ALDH8A1: variants seen among roughly 807,000 people sequenced by gnomAD.
ALDH8A1 encodes the protein aldehyde dehydrogenase 8 family member A1, also known as 2-aminomuconic semialdehyde dehydrogenase.
ALDH8A1 carries 39 observed loss-of-function variants against 43.3 expected under a neutral mutation model. The ratio of observed to expected loss-of-function variants is 0.90; its 90% CI spans 0.70 to 1.18. The LOEUF (loss-of-function observed/expected upper bound fraction) is 1.18. Ranked by LOEUF, ALDH8A1 falls within the 50% of genes most tolerant of loss-of-function variation. ALDH8A1 has a pLI of 0.00. For missense variants in ALDH8A1, 605 were observed against 622.6 expected (o/e 0.97, Z 0.30); for synonymous variants, 233 against 243.5 (o/e 0.96, Z 0.40).
At chr6:134,935,052 C>G (rs967146919) in intron 4 of ALDH8A1, among the ~76,000 whole-genome samples, 3 of 152,210 alleles carry the variant, frequency 2.0e-5, no homozygotes, top group Non-Finnish European at 4.4e-5. Context: ...TTTCTGTTCC[C>G]TTTGCCCCTC....
intron 4 of ALDH8A1, among the ~76,000 whole-genome samples, chr6:134,935,004 A>G (rs569019370): frequency 3.9e-5 from 6 of 152,194 alleles, no homozygotes; most frequent in African/African-American, 1.2e-4. Context: ...CCCATATCCT[A>G]CTGAATGTGA....
chr6:134,949,875 T>C (rs372052533), intron 1 of ALDH8A1, 41 bp downstream of exon 1: 1 of 1,522,074 alleles, frequency 6.6e-7, no homozygotes, highest in African/African-American at 1.4e-5. Context: ...TTGGCCAACA[T>C]ATTAAACACA....
chr6:134,943,934 G>C lies in ALDH8A1; in HGVS notation c.171C>G (p.Ala57=). 1 of 1,614,170 alleles carries C rather than the reference G, an allele frequency of 6.2e-7. No individual in the cohort carries two copies. The highest frequency in any genetic ancestry group is 1.6e-4 in the Middle Eastern group (1 of 6,062). ...GGCTGCGGGATGACCAGCTGGGAAA[G>C]GCTTCTCTGGCGGCCTTGACCGCGG... The part of the protein sequence containing the change: ...IEAAVKAARE[A]FPSWSSRSPQ... Residue 57 remains alanine (A), a synonymous_variant, in exon 2 of 7, where the codon GCC becomes GCG. Coordinates refer to ENST00000265605, the MANE Select transcript of ALDH8A1 (RefSeq NM_022568.4).
rs77754082 is a variant in ALDH8A1 at position 134,946,370 on chromosome 6, A to G, written c.139-2404T>C. Among the ~76,000 whole-genome samples, 1,442 of 152,336 alleles carry G rather than the reference A, an allele frequency of 9.5e-3. 18 individuals are homozygous for G. The highest frequency in any genetic ancestry group is 0.033 in the African/African-American group (1,364 of 41,570). On this transcript the variant is annotated intron_variant, in intron 1 of 6. Coordinates refer to ENST00000265605, the MANE Select transcript of ALDH8A1 (RefSeq NM_022568.4). ...AGAGGAGCATGAATTCCTACAGTCA[A>G]TGTAAAAATCTGGTCTTTTTGCTAT...
At chr6:134,919,880 T>C (rs1230189525) in intron 6 of ALDH8A1, among the ~76,000 whole-genome samples, 1 of 152,174 alleles carries the variant, frequency 6.6e-6, no homozygotes, top group Admixed American at 6.6e-5. Flanking sequence ...TTAAATTTGC[T>C]CCAAGTTTGT....
At chr6:134,936,353 C>T (rs1309944075) in intron 4 of ALDH8A1, among the ~76,000 whole-genome samples, 1 of 152,238 alleles carries the variant, frequency 6.6e-6, no homozygotes, top group East Asian at 1.9e-4. Flanking sequence ...AGAGGAGTGG[C>T]TGGCACCATG....
At chr6:134,939,527 C>A in intron 3 of ALDH8A1, 112 bp from the exon 4 acceptor site, 3 of 1,251,932 alleles carry the variant, frequency 2.4e-6, no homozygotes, top group Non-Finnish European at 3.3e-6. Context: ...ACTTAGCTTA[C>A]TCTTCTAACT....
At chr6:134,924,928 A>ACTAAAATGATGTATAGTATACTAT (rs1776860361) in intron 6 of ALDH8A1, among the ~76,000 whole-genome samples, 1 of 152,232 alleles carries the variant, frequency 6.6e-6, no homozygotes, top group Non-Finnish European at 1.5e-5. Flanking sequence ...TGATGTCTTT[A>ACTAAAATGATGTATAGTATACTAT]ACTAAAATGT....
intron 4 of ALDH8A1, among the ~76,000 whole-genome samples, chr6:134,934,201 A>G (rs1319063041): frequency 6.6e-6 from 1 of 152,170 alleles, no homozygotes; most frequent in Non-Finnish European, 1.5e-5. Flanking sequence ...CTCTTGGCCA[A>G]AGCGATCCCA....
Position 134,929,046 on chromosome 6 carries a change from T to C in ALDH8A1, c.1011+8A>G. ...ATTCTGTAACTTACATGGCAGAAAT[T>C]TACTTACTTTCTCCAAATGTGCTTT... is the stretch of plus-strand genomic sequence containing the variant. On this transcript the variant is annotated splice_region_variant and intron_variant, in intron 6 of 6. Coordinates refer to ENST00000265605, the MANE Select transcript of ALDH8A1 (RefSeq NM_022568.4). The C allele has an allele frequency of 6.2e-7, 1 of 1,613,064 alleles. No homozygotes were observed. The highest frequency in any genetic ancestry group is 8.5e-7 in the Non-Finnish European group (1 of 1,179,586).
chr6:134,934,821 CACAT>C (rs1773700652), intron 4 of ALDH8A1, among the ~76,000 whole-genome samples: 2 of 152,156 alleles, frequency 1.3e-5, no homozygotes, highest in Admixed American at 1.3e-4. Context: ...AACAAGAAAA[CACAT>C]GCATAAATGC....
chr6:134,943,035 C>G (rs994037373), intron 2 of ALDH8A1, among the ~76,000 whole-genome samples: 7 of 152,180 alleles, frequency 4.6e-5, no homozygotes, highest in African/African-American at 1.7e-4. Flanking sequence ...GCTGGGAATG[C>G]CCTGGCACGG....
rs2294316 is a variant in ALDH8A1, at chr6:134,923,122, G to A, written c.1012-4255C>T. 6.7e-4 allele frequency among the ~76,000 whole-genome samples: 102 copies of A among 152,216 alleles called. 1 individual carries two copies. The East Asian group carries it at 0.019, about 28-fold the overall frequency. ...CTCACTGCAACCTTGACCTCCTGGG[G>A]TTCAGGTGATCCTCCTGCCTCAGCC... On this transcript the variant is annotated intron_variant, in intron 6 of 6. Transcript: ENST00000265605.
intron 5 of ALDH8A1, among the ~76,000 whole-genome samples, chr6:134,930,758 T>C (rs1211511221): frequency 1.3e-5 from 2 of 152,216 alleles, no homozygotes; most frequent in East Asian, 3.8e-4. Context: ...GTTTACCCAG[T>C]TCCCTGTTGC....
In ALDH8A1 at chr6:134,950,069, T is replaced by C. The variant is rs1774019767; in HGVS notation, c.-16A>G. On this transcript the variant is annotated 5_prime_UTR_variant, in exon 1 of 7. Transcript: ENST00000265605. ...TTCCAGCCATAGCAAGGAAAAATTC[T>C]GCCTTTCCTCTTTACGACTGAGCAC... 13 of 1,605,472 alleles carry C rather than the reference T, an allele frequency of 8.1e-6. No homozygotes were observed. Among genetic ancestry groups the C allele is most frequent in the Admixed American group, 1.7e-5 (1 of 59,134 alleles).
At chr6:134,944,001 A>C in intron 1 of ALDH8A1, 35 bp from the exon 2 acceptor site, 2 of 1,601,350 alleles carry the variant, frequency 1.2e-6, no homozygotes. Flanking sequence ...GGTCACCTTA[A>C]AGCTGTTAGT....
chr6:134,940,593 G>A (rs999572131), intron 3 of ALDH8A1, among the ~76,000 whole-genome samples: 3 of 152,118 alleles, frequency 2.0e-5, no homozygotes, highest in African/African-American at 7.2e-5. Context: ...ATTGTCACTT[G>A]TATCCTGACC....
intron 1 of ALDH8A1, among the ~76,000 whole-genome samples, chr6:134,945,796 C>T (rs529320272): frequency 6.6e-6 from 1 of 152,226 alleles, no homozygotes. Context: ...CACACCCCTC[C>T]TTCATTTCCC....
intron 4 of ALDH8A1, among the ~76,000 whole-genome samples, chr6:134,934,205 G>A (rs552826333): frequency 1.3e-4 from 20 of 152,224 alleles, no homozygotes; most frequent in Non-Finnish European, 2.5e-4. Flanking sequence ...TGGCCAAAGC[G>A]ATCCCAGAGA....
Sources: gnomAD v4.1 joint callset for allele counts (sites outside exome capture counted in the v4.1 genomes callset) on GRCh38, gnomAD v4.1.1 for gene constraint, MANE v1.5 for transcripts, NCBI Gene and HGNC (gene_info 2026-07-23, HGNC 2026-07-21) for gene names.